The following PTPRD variants were observed in gnomAD, a reference collection of about 807,000 sequenced individuals.
PTPRD encodes receptor-type tyrosine-protein phosphatase delta.
In PTPRD, 34 loss-of-function variants were observed where a neutral mutation model predicts 214.5. The ratio of observed to expected loss-of-function variants is 0.16; its 90% CI spans 0.12 to 0.21. The LOEUF (loss-of-function observed/expected upper bound fraction) is 0.21, where lower values mean the gene tolerates loss of function less well. PTPRD is among the 10% of genes least tolerant of loss of function. The pLI, the probability that PTPRD is intolerant of heterozygous loss-of-function variation, is 1.00. For synonymous variants in PTPRD, 1,128 were observed against 845.7 expected, an observed-to-expected ratio of 1.33 and a Z score of -5.79; for missense variants, 2,545 against 2,398.7, an observed-to-expected ratio of 1.06 and a Z score of -1.27.
At chr9:10,340,405 A>G (rs1333746452) in intron 3 of PTPRD, among the ~76,000 whole-genome samples, 1 of 151,868 alleles carries the variant, frequency 6.6e-6, no homozygotes, top group Non-Finnish European at 1.5e-5. Context: ...GCACTGTATC[A>G]CACAGCTGGC....
At chr9:8,486,587 G>C (rs1023811130) in intron 27 of PTPRD, 4 of 657,942 alleles carry the variant, frequency 6.1e-6, no homozygotes, top group African/African-American at 5.3e-5. Flanking sequence ...AATTATCATT[G>C]AAACAACAGC....
intron 2 of PTPRD, among the ~76,000 whole-genome samples, chr9:10,471,816 G>A (rs1471831906): frequency 6.6e-6 from 1 of 151,896 alleles, no homozygotes; most frequent in Non-Finnish European, 1.5e-5. Context: ...ATCAATTTTA[G>A]CTTTAAAATG....
intron 9 of PTPRD, among the ~76,000 whole-genome samples, chr9:9,208,886 C>T (rs1162190561): frequency 1.3e-5 from 2 of 151,842 alleles, no homozygotes; most frequent in East Asian, 1.9e-4. Flanking sequence ...CGGCTCACTG[C>T]AAGCTCCACT....
chr9:9,070,360 AAC>A (rs2099742026), intron 10 of PTPRD, among the ~76,000 whole-genome samples: 2 of 152,192 alleles, frequency 1.3e-5, no homozygotes, highest in Non-Finnish European at 2.9e-5. Context: ...AATATAGAAA[AAC>A]AGTTATAATA....
At chr9:9,773,813 C>G (rs1481775188) in intron 5 of PTPRD, among the ~76,000 whole-genome samples, 1 of 152,084 alleles carries the variant, frequency 6.6e-6, no homozygotes, top group Non-Finnish European at 1.5e-5. Context: ...AGGTGCAAGG[C>G]CCTTTTGGTA....
At chr9:9,637,236 A>G (rs759151498) in intron 7 of PTPRD, among the ~76,000 whole-genome samples, 2 of 152,170 alleles carry the variant, frequency 1.3e-5, no homozygotes, top group Admixed American at 1.3e-4. Flanking sequence ...GATAGCCCCC[A>G]AAGTCTTAAT....
At chr9:9,851,702 C>T (rs780820860) in intron 5 of PTPRD, among the ~76,000 whole-genome samples, 5 of 152,160 alleles carry the variant, frequency 3.3e-5, no homozygotes, top group Non-Finnish European at 5.9e-5. Flanking sequence ...ATCACTTGAA[C>T]GCAGGAGGTA....
At chr9:8,869,732 G>GAA (rs201895275) in intron 11 of PTPRD, among the ~76,000 whole-genome samples, 35,326 of 135,858 alleles carry the variant, frequency 0.26, 4,403 homozygotes, top group South Asian at 0.38. Flanking sequence ...TTCTTAAAAG[G>GAA]AAAAAAAAAA....
intron 2 of PTPRD, among the ~76,000 whole-genome samples, chr9:10,412,884 CA>C (rs2098451875): frequency 6.6e-6 from 1 of 151,342 alleles, no homozygotes; most frequent in Non-Finnish European, 1.5e-5. Flanking sequence ...TCAACAGATG[CA>C]AAAAAGGCTT....
At chr9:10,159,227 G>A (rs1210145071) in intron 3 of PTPRD, among the ~76,000 whole-genome samples, 1 of 151,838 alleles carries the variant, frequency 6.6e-6, no homozygotes, top group Non-Finnish European at 1.5e-5. Context: ...TACAAAGAAA[G>A]AAAGAAAGAA....
chr9:10,441,467 A>T (rs889292804), intron 2 of PTPRD, among the ~76,000 whole-genome samples: 4 of 151,674 alleles, frequency 2.6e-5, no homozygotes, highest in Non-Finnish European at 5.9e-5. Flanking sequence ...TCCCTTTGAC[A>T]CCGAATATAT....
intron 12 of PTPRD, among the ~76,000 whole-genome samples, chr9:8,685,596 A>AT (rs1477158666): frequency 1.3e-5 from 2 of 152,230 alleles, no homozygotes; most frequent in African/African-American, 2.4e-5. Flanking sequence ...GGTTGGGCTG[A>AT]TTTTTTACCA....
At chr9:8,726,071 G>A (rs894214209) in intron 12 of PTPRD, among the ~76,000 whole-genome samples, 5 of 147,070 alleles carry the variant, frequency 3.4e-5, no homozygotes, top group African/African-American at 5.4e-5. Flanking sequence ...ACACAGTTTA[G>A]TGAAGAAATA....
intron 3 of PTPRD, among the ~76,000 whole-genome samples, chr9:10,137,976 G>C (rs1365454113): frequency 2.0e-5 from 3 of 151,836 alleles, no homozygotes; most frequent in Non-Finnish European, 2.9e-5. Flanking sequence ...ATCACACCTA[G>C]AGGAATTAGA....
At chr9:9,430,112 G>C (rs936748664) in intron 8 of PTPRD, among the ~76,000 whole-genome samples, 1 of 152,126 alleles carries the variant, frequency 6.6e-6, no homozygotes, top group Admixed American at 6.5e-5. Flanking sequence ...AAGTCAAACT[G>C]TCCCTGTTTG....
chr9:10,169,281 T>A (rs2154295912), intron 3 of PTPRD, among the ~76,000 whole-genome samples: 1 of 151,632 alleles, frequency 6.6e-6, no homozygotes, highest in Non-Finnish European at 1.5e-5. Flanking sequence ...GAGACCATCC[T>A]GGCTAACACA....
At chr9:9,213,153 C>T (rs1353035073) in intron 9 of PTPRD, among the ~76,000 whole-genome samples, 1 of 152,102 alleles carries the variant, frequency 6.6e-6, no homozygotes, top group African/African-American at 2.4e-5. Context: ...CTCTTATATA[C>T]CACTATATTC....
intron 4 of PTPRD, among the ~76,000 whole-genome samples, chr9:9,953,323 G>T (rs922820934): frequency 1.3e-5 from 2 of 152,068 alleles, no homozygotes; most frequent in African/African-American, 4.8e-5. Context: ...CCTCACCTGA[G>T]CAAAAGGGAT....
rs754483710 is a variant in PTPRD, at chr9:8,460,520, C to T, written c.3766G>A (p.Asp1256Asn). 15 of 1,613,504 alleles carry T rather than the reference C, an allele frequency of 9.3e-6. No individual in the cohort carries two copies. In the Admixed American group the frequency reaches 2.5e-4, roughly 27 times the overall value. ...TCTTCATCCGTGATTGGCTGCGGAT[C>T]CAGATCCATTGACACCACGGGGTCG... ...YSDPVVSMDL[D>N]PQPITDEEEG... Residue 1256 changes from aspartate (D) to asparagine (N), a missense_variant, in exon 33 of 46, where the codon GAT (aspartate) becomes AAT (asparagine). Asp to Asn is a conservative substitution (Grantham distance 23). Transcript: ENST00000381196.
Sources: gnomAD v4.1 joint callset for allele counts (sites outside exome capture counted in the v4.1 genomes callset) on GRCh38, gnomAD v4.1.1 for gene constraint, MANE v1.5 for transcripts, NCBI Gene and HGNC (gene_info 2026-07-23, HGNC 2026-07-21) for gene names.